Variants in KCND2 observed in about 807,000 individuals in gnomAD.
KCND2 encodes potassium voltage-gated channel subfamily D member 2.
Under a neutral mutation model 54.4 loss-of-function variants are expected in KCND2, and 16 were observed. The observed-to-expected ratio is 0.29, with a 90% confidence interval of 0.20 to 0.45. The LOEUF is 0.45. Ranked by LOEUF, KCND2 falls within the 20% of genes least tolerant of loss-of-function variation. The pLI is 1.00. For synonymous variants in KCND2, 317 were observed against 310.7 expected, an observed-to-expected ratio of 1.02 and a Z score of -0.21; for missense variants, 486 against 824.2, an observed-to-expected ratio of 0.59 and a Z score of 5.02.
chr7:120,282,279 G>A (rs1799277502), intron 1 of KCND2, among the ~76,000 whole-genome samples: 1 of 152,038 alleles, frequency 6.6e-6, no homozygotes, highest in Admixed American at 6.6e-5. Context: ...ACACAAGCTG[G>A]AACTCTTGTT....
intron 1 of KCND2, among the ~76,000 whole-genome samples, chr7:120,492,618 A>G (rs1215493546): frequency 2.0e-5 from 3 of 152,066 alleles, no homozygotes; most frequent in African/African-American, 7.2e-5. Flanking sequence ...AACGCAAAGC[A>G]GCTCTCTAGA....
intron 1 of KCND2, among the ~76,000 whole-genome samples, chr7:120,372,751 C>G (rs1470244693): frequency 6.6e-6 from 1 of 151,792 alleles, no homozygotes; most frequent in Non-Finnish European, 1.5e-5. Flanking sequence ...TTTTGTTTAA[C>G]TATGAACTTC....
At chr7:120,364,065 A>C in intron 1 of KCND2, among the ~76,000 whole-genome samples, 1 of 152,148 alleles carries the variant, frequency 6.6e-6, no homozygotes, top group East Asian at 1.9e-4. Flanking sequence ...CAAGCACCTA[A>C]AACAGTGCCT....
chr7:120,539,028 A>G (rs1791946737), intron 1 of KCND2, among the ~76,000 whole-genome samples: 1 of 152,156 alleles, frequency 6.6e-6, no homozygotes, highest in African/African-American at 2.4e-5. Flanking sequence ...ATCACAAGAA[A>G]TTGAGATATA....
chr7:120,613,493 T>TG (rs1422133931), intron 1 of KCND2, among the ~76,000 whole-genome samples: 1 of 152,164 alleles, frequency 6.6e-6, no homozygotes, highest in Non-Finnish European at 1.5e-5. Flanking sequence ...ATTGCGCCAC[T>TG]GCTCTCCAGC....
intron 1 of KCND2, among the ~76,000 whole-genome samples, chr7:120,541,531 C>G (rs542321241): frequency 6.6e-6 from 1 of 152,198 alleles, no homozygotes; most frequent in South Asian, 2.1e-4. Flanking sequence ...TTTACAAGTT[C>G]AAATTCCAAA....
chr7:120,368,104 G>A (rs559195282), intron 1 of KCND2, among the ~76,000 whole-genome samples: 2 of 152,170 alleles, frequency 1.3e-5, no homozygotes, highest in African/African-American at 2.4e-5. Flanking sequence ...AGGTTCATTC[G>A]ATCCGAAGCA....
At chr7:120,327,384 C>T (rs1286969208) in intron 1 of KCND2, among the ~76,000 whole-genome samples, 1 of 152,056 alleles carries the variant, frequency 6.6e-6, no homozygotes, top group East Asian at 1.9e-4. Context: ...ATGTTTTTAT[C>T]TCCACATTTA....
rs974520868 is a variant in KCND2 at position 120,748,199 on chromosome 7, C to CA, written c.*349dup. The CA allele has an allele frequency of 6.6e-5, 11 of 166,890 alleles. No individual in the cohort carries two copies. The highest frequency in any genetic ancestry group is 4.9e-4 in the East Asian group (3 of 6,110). 10.3% of individuals were successfully genotyped at this position (166,890 alleles called of 1,614,324 possible). ...CATAATGTTCCAGTTGAATGCAAAACAAAAAAAATATGGAAAACATTTTGA... is the reference window on the plus strand; with the variant it reads ...CATAATGTTCCAGTTGAATGCAAAACAAAAAAAAATATGGAAAACATTTTGA... On this transcript the variant is annotated 3_prime_UTR_variant, in exon 6 of 6. Transcript: ENST00000331113.
At chr7:120,394,824 A>T (rs1454797079) in intron 1 of KCND2, among the ~76,000 whole-genome samples, 1 of 152,026 alleles carries the variant, frequency 6.6e-6, no homozygotes, top group East Asian at 1.9e-4. Context: ...TGACTATCAG[A>T]ACTTCCTGTA....
intron 1 of KCND2, among the ~76,000 whole-genome samples, chr7:120,363,290 C>A (rs994546796): frequency 6.6e-6 from 1 of 152,006 alleles, no homozygotes; most frequent in Non-Finnish European, 1.5e-5. Context: ...GATGACAGAG[C>A]AAGATCCCAT....
intron 1 of KCND2, among the ~76,000 whole-genome samples, chr7:120,713,950 C>T (rs1436043677): frequency 6.6e-6 from 1 of 152,052 alleles, no homozygotes; most frequent in Non-Finnish European, 1.5e-5. Flanking sequence ...ATAATATTGG[C>T]TTTGTGATAA....
chr7:120,695,603 T>C (rs1381761740), intron 1 of KCND2, among the ~76,000 whole-genome samples: 2 of 152,162 alleles, frequency 1.3e-5, no homozygotes, highest in Non-Finnish European at 2.9e-5. Context: ...GAAACTATAA[T>C]GAAGAAAAGG....
intron 1 of KCND2, among the ~76,000 whole-genome samples, chr7:120,478,433 C>T (rs1802560473): frequency 6.6e-6 from 1 of 152,012 alleles, no homozygotes; most frequent in African/African-American, 2.4e-5. Flanking sequence ...GGCAAAAAAC[C>T]TTGTCAATGA....
At position 120,273,713 on chromosome 7, in the gene KCND2, A is replaced by G. The variant is rs1799120356; in HGVS notation, c.-920A>G. ...TCTCTCCTCTTCCCTTTCCGGGTGC[A>G]CGGCGAGGAGAAAGTCTCTATGCAA... On this transcript the variant is annotated 5_prime_UTR_variant, in exon 1 of 6. Transcript: ENST00000331113. The G allele has an allele frequency of 6.6e-6, 1 of 152,612 alleles. No homozygotes were observed. The highest frequency in any genetic ancestry group is 6.5e-5 in the Admixed American group (1 of 15,276). The allele number at this position is 152,612 out of a possible 1,614,324, so 9.5% of individuals were successfully genotyped here.
At chr7:120,717,140 A>G (rs1315460934) in intron 1 of KCND2, among the ~76,000 whole-genome samples, 1 of 152,134 alleles carries the variant, frequency 6.6e-6, no homozygotes, top group Non-Finnish European at 1.5e-5. Flanking sequence ...AGATGAAATG[A>G]GGTGACTAAC....
chr7:120,330,546 ACT>A (rs1245691133), intron 1 of KCND2, among the ~76,000 whole-genome samples: 2 of 123,830 alleles, frequency 1.6e-5, no homozygotes, highest in Non-Finnish European at 3.2e-5. Flanking sequence ...GTGCCACTGC[ACT>A]CCAGCCTGGG....
rs757234679 is a variant in KCND2, at chr7:120,650,315, C to A, written c.1116-82588C>A. Among the ~76,000 whole-genome samples the A allele has an allele frequency of 1.2e-4, 17 of 142,836 alleles. 2 individuals carry two copies. Among genetic ancestry groups the A allele is most frequent in the Non-Finnish European group, 2.1e-4 (14 of 65,918 alleles). 93.7% of individuals were successfully genotyped at this position (142,836 alleles called of 152,430 possible). Reference sequence around the variant, plus strand: ...TATTTCTTGGAGGCTTTGTTCATTTCTTTTTATTCTTTTTTCTCTAAACTT... The same window carrying A: ...TATTTCTTGGAGGCTTTGTTCATTTATTTTTATTCTTTTTTCTCTAAACTT... On this transcript the variant is annotated intron_variant, in intron 1 of 5. Transcript: ENST00000331113.
intron 1 of KCND2, among the ~76,000 whole-genome samples, chr7:120,640,410 A>C (rs1301646713): frequency 6.6e-6 from 1 of 152,188 alleles, no homozygotes; most frequent in Non-Finnish European, 1.5e-5. Flanking sequence ...AATACATCAT[A>C]AACATAAGAG....
Sources: allele counts gnomAD v4.1 joint callset (sites outside exome capture counted in the v4.1 genomes callset), GRCh38; gene constraint gnomAD v4.1.1; transcripts MANE v1.5; gene names NCBI Gene and HGNC (gene_info 2026-07-23, HGNC 2026-07-21).